Variants in CMYA5 observed in about 807,000 individuals in gnomAD.
The protein encoded by CMYA5 is cardiomyopathy-associated protein 5.
A neutral mutation model predicts 318.9 loss-of-function variants in CMYA5; 246 were observed. That is an observed-to-expected ratio of 0.77 (90% CI 0.70 to 0.86). The LOEUF (loss-of-function observed/expected upper bound fraction) is 0.86, where lower values mean the gene tolerates loss of function less well. Among genes scored for constraint, CMYA5 ranks in the 40% least tolerant of loss-of-function variants. The pLI is 0.00. For missense variants in CMYA5, 4,589 were observed against 4,678.2 expected (o/e 0.98, Z 0.56); for synonymous variants, 1,641 against 1,729.5 (o/e 0.95, Z 1.27).
intron 9 of CMYA5, among the ~76,000 whole-genome samples, chr5:79,785,453 A>G (rs1165036866): frequency 6.6e-6 from 1 of 152,072 alleles, no homozygotes; most frequent in Non-Finnish European, 1.5e-5. Flanking sequence ...CCTTCACTCA[A>G]GTCTTTTTTT....
At chr5:79,750,715 G>A (rs115210211) in intron 5 of CMYA5, among the ~76,000 whole-genome samples, 280 of 152,202 alleles carry the variant, frequency 1.8e-3, no homozygotes, top group African/African-American at 6.2e-3. Flanking sequence ...GTTTGTTGAG[G>A]GGATTCATTT....
intron 7 of CMYA5, 29 bp downstream of exon 7, chr5:79,758,931 A>G (rs1459306127): frequency 2.0e-6 from 3 of 1,518,256 alleles, no homozygotes; most frequent in Non-Finnish European, 2.7e-6. Flanking sequence ...ATACAAATGC[A>G]TATGCATATT....
chr5:79,762,110 C>A, intron 8 of CMYA5, 153 bp downstream of exon 8: 1 of 801,636 alleles, frequency 1.2e-6, no homozygotes, highest in South Asian at 3.5e-5. Flanking sequence ...GCCTGGGGTC[C>A]TGTTCTCAAG....
In CMYA5 at chr5:79,729,084, T is replaced by G. The variant is rs1342176609; in HGVS notation, c.319T>G (p.Cys107Gly). 9.9e-6 allele frequency: 16 copies of G among 1,613,796 alleles called. No homozygotes were observed. The highest frequency in any genetic ancestry group is 1.0e-5 in the Non-Finnish European group (12 of 1,179,864). The change falls in exon 2 of 13, where the codon TGT becomes GGT. Residue 107 changes from cysteine (C) to glycine (G), a missense_variant. By Grantham distance (159) the Cys-to-Gly change is radical. This residue lies in a region of CMYA5 where 2,132 missense variants were observed against 2,131.3 expected (regional missense o/e 1.00). Coordinates refer to ENST00000446378, the MANE Select transcript of CMYA5 (RefSeq NM_153610.5). ...AGAAGAAAGTCAGACTTCTGGTGTG[T>G]GTAGTCGGGAAGGGTCAACTGTGAA... ...ASEESQTSGVCSREGSTVNSP... is the reference protein window; with the variant it reads ...ASEESQTSGVGSREGSTVNSP...
chr5:79,766,894 T>C (rs1828764591), intron 9 of CMYA5, among the ~76,000 whole-genome samples: 1 of 152,208 alleles, frequency 6.6e-6, no homozygotes, highest in Non-Finnish European at 1.5e-5. Context: ...CAGCTCCTCT[T>C]TGTACCTCTG....
At chr5:79,743,800 T>C in intron 2 of CMYA5, 27 bp from the exon 3 acceptor site, 1 of 1,244,898 alleles carries the variant, frequency 8.0e-7, no homozygotes, top group South Asian at 1.4e-5. Context: ...TGTCATATAC[T>C]AAGGATATCT....
In CMYA5 at chr5:79,729,632, C is replaced by G. The variant is rs1035184914; in HGVS notation, c.867C>G (p.Ala289=). 3 of 1,613,746 alleles carry G rather than the reference C, an allele frequency of 1.9e-6. No homozygotes were observed. Among genetic ancestry groups the G allele is most frequent in the Non-Finnish European group, 2.5e-6 (3 of 1,179,818 alleles). The change falls in exon 2 of 13, where the codon GCC becomes GCG. Residue 289 remains alanine, a synonymous_variant. Coordinates refer to ENST00000446378, the MANE Select transcript of CMYA5 (RefSeq NM_153610.5). Reference sequence around the variant, plus strand: ...TGTCCAAAACACGCAAATTAGTAGCCCAAAGCATAGAGGATAAAGTAAAAG... The same window carrying G: ...TGTCCAAAACACGCAAATTAGTAGCGCAAAGCATAGAGGATAAAGTAAAAG... ...NTVSKTRKLV[A]QSIEDKVKEV...
At chr5:79,709,867 A>G (rs1827349378) in intron 1 of CMYA5, among the ~76,000 whole-genome samples, 1 of 141,470 alleles carries the variant, frequency 7.1e-6, no homozygotes, top group South Asian at 2.4e-4. Context: ...AGGCTGAGGC[A>G]GGAGAATTGC....
chr5:79,755,290 C>CT lies in CMYA5; in HGVS notation c.11110+2507dup, dbSNP rs916094241. 2.3e-4 allele frequency among the ~76,000 whole-genome samples: 34 copies of CT among 147,008 alleles called. No individual in the cohort carries two copies. In the Middle Eastern group the frequency reaches 0.011, roughly 46 times the overall value. On this transcript the variant is annotated intron_variant, in intron 6 of 12. Transcript: ENST00000446378. ...ATTTTGGTATTTTTTGGTATCATAC[C>CT]TTTTTTTTTTTCCCCACACAGAGTC...
chr5:79,725,421 C>T (rs1827724548), intron 1 of CMYA5, among the ~76,000 whole-genome samples: 1 of 152,102 alleles, frequency 6.6e-6, no homozygotes, highest in African/African-American at 2.4e-5. Context: ...TTTGGGTACA[C>T]ATGGACATAA....
chr5:79,796,675 C>T (rs1280154323), intron 12 of CMYA5, among the ~76,000 whole-genome samples: 1 of 152,232 alleles, frequency 6.6e-6, no homozygotes, highest in South Asian at 2.1e-4. Context: ...GCTGGGATTA[C>T]AGGCCTGAGC....
intron 9 of CMYA5, among the ~76,000 whole-genome samples, chr5:79,769,531 TA>T (rs1828816942): frequency 6.6e-6 from 1 of 152,148 alleles, no homozygotes; most frequent in Non-Finnish European, 1.5e-5. Flanking sequence ...TTCTATTTGT[TA>T]GTTTTCCTTC....
In CMYA5 at chr5:79,736,935, C is replaced by T. The variant is rs1320822319; in HGVS notation, c.8170C>T (p.Leu2724=). 1 of 1,613,330 alleles carries T rather than the reference C, an allele frequency of 6.2e-7. No homozygotes were observed. Among genetic ancestry groups the T allele is most frequent in the South Asian group, 1.1e-5 (1 of 91,038 alleles). The change falls in exon 2 of 13, where the codon CTG becomes TTG. Residue 2724 remains leucine, a synonymous_variant. Coordinates refer to ENST00000446378, the MANE Select transcript of CMYA5 (RefSeq NM_153610.5). ...TTTGGTGGAGAAAACTAAGACTTTC[C>T]TGCCAGTGGTTCTTTCTTGTCATGA... ...KVLVEKTKTF[L]PVVLSCHDEI...
At chr5:79,710,829 AT>A (rs1827374923) in intron 1 of CMYA5, among the ~76,000 whole-genome samples, 1 of 152,186 alleles carries the variant, frequency 6.6e-6, no homozygotes, top group South Asian at 2.1e-4. Context: ...ACTGGATCAA[AT>A]GCACATCATT....
chr5:79,787,462 T>G (rs1719111173), intron 9 of CMYA5, among the ~76,000 whole-genome samples: 1 of 152,226 alleles, frequency 6.6e-6, no homozygotes, highest in South Asian at 2.1e-4. Flanking sequence ...ATTCTAGATA[T>G]TAGTCAGAAA....
At position 79,734,933 on chromosome 5, in the gene CMYA5, A is replaced by G. The variant is rs1424875016; in HGVS notation, c.6168A>G (p.Ser2056=). The change falls in exon 2 of 13, where the codon TCA becomes TCG. Residue 2056 remains serine (S), a synonymous_variant. Transcript: ENST00000446378. ...TCCAGAAACCAGTGTCTGGCCTATCAGTGGAACAGGTGAAGTCAGAAACAA... is the reference window on the plus strand; with the variant it reads ...TCCAGAAACCAGTGTCTGGCCTATCGGTGGAACAGGTGAAGTCAGAAACAA... ...RFFQKPVSGL[S]VEQVKSETIS... 1 of 1,613,858 alleles carries G rather than the reference A, an allele frequency of 6.2e-7. No individual in the cohort carries two copies. The highest frequency in any genetic ancestry group is 1.7e-5 in the Admixed American group (1 of 60,012).
intron 11 of CMYA5, among the ~76,000 whole-genome samples, chr5:79,792,274 A>G (rs1829194075): frequency 6.6e-6 from 1 of 152,182 alleles, no homozygotes; most frequent in South Asian, 2.1e-4. Context: ...CAAATCTAGC[A>G]TGGGGCCTGG....
intron 9 of CMYA5, among the ~76,000 whole-genome samples, chr5:79,785,635 A>G (rs1829070118): frequency 6.6e-6 from 1 of 151,988 alleles, no homozygotes; most frequent in Non-Finnish European, 1.5e-5. Context: ...TAGCCATCTT[A>G]CTGAATTCTC....
At chr5:79,755,998 G>T (rs921152040) in intron 6 of CMYA5, among the ~76,000 whole-genome samples, 2 of 152,142 alleles carry the variant, frequency 1.3e-5, no homozygotes, top group African/African-American at 4.8e-5. Flanking sequence ...AGGATAAAAG[G>T]GGGAGCATTT....
Sources: allele counts gnomAD v4.1 joint callset (sites outside exome capture counted in the v4.1 genomes callset), GRCh38; gene constraint gnomAD v4.1.1; regional missense constraint gnomAD v4.1.1; transcripts MANE v1.5; gene names NCBI Gene and HGNC (gene_info 2026-07-23, HGNC 2026-07-21).